CEP83: variants seen among roughly 807,000 people sequenced by gnomAD.
CEP83 encodes the protein centrosomal protein of 83 kDa.
Under a neutral mutation model 101.9 loss-of-function variants are expected in CEP83, and 70 were observed. That is an observed-to-expected ratio of 0.69 (90% CI 0.57 to 0.84). CEP83 has a LOEUF of 0.84. Among genes scored for constraint, CEP83 ranks in the 40% least tolerant of loss-of-function variants. The pLI is 0.00. For synonymous variants in CEP83, 264 were observed against 267.9 expected (o/e 0.99, Z 0.14); for missense variants, 715 against 787.2 (o/e 0.91, Z 1.10).
chr12:94,303,732 CTT>C (rs201354613), downstream of CEP83: 22,681 of 816,078 alleles, frequency 0.028, 1 homozygote, highest in Admixed American at 0.04. Flanking sequence ...GTGATGGTTG[CTT>C]TTTTTTTTTT....
intron 11 of CEP83, among the ~76,000 whole-genome samples, chr12:94,345,584 TAA>T (rs2059898012): frequency 6.6e-6 from 1 of 152,012 alleles, no homozygotes; most frequent in Non-Finnish European, 1.5e-5. Flanking sequence ...CCACACACAC[TAA>T]AAATATACTC....
At chr12:94,350,655 A>G (rs1252028872) in intron 11 of CEP83, among the ~76,000 whole-genome samples, 3 of 152,144 alleles carry the variant, frequency 2.0e-5, no homozygotes, top group Non-Finnish European at 2.9e-5. Flanking sequence ...ATGAAAATAA[A>G]TTTTTCTGCA....
At chr12:94,328,924 C>T (rs2059089407) in intron 14 of CEP83, among the ~76,000 whole-genome samples, 1 of 152,174 alleles carries the variant, frequency 6.6e-6, no homozygotes, top group Non-Finnish European at 1.5e-5. Flanking sequence ...TATTTGAATG[C>T]TAAGATCCCT....
chr12:94,298,713 T>C, the CEP83 span: 1 of 1,613,306 alleles, frequency 6.2e-7, no homozygotes, highest in Non-Finnish European at 8.5e-7. Context: ...TGCTATAAAA[T>C]ACTTTTTTGA....
the CEP83 span, among the ~76,000 whole-genome samples, chr12:94,271,096 T>C: frequency 6.6e-6 from 1 of 152,230 alleles, no homozygotes; most frequent in Non-Finnish European, 1.5e-5. Flanking sequence ...CTCTCTTTAA[T>C]TCAGGTTGGT....
At chr12:94,346,025 C>T (rs932031443) in intron 11 of CEP83, among the ~76,000 whole-genome samples, 1 of 151,950 alleles carries the variant, frequency 6.6e-6, no homozygotes, top group East Asian at 1.9e-4. Context: ...AGCTCTGGAC[C>T]CTTGAGATCT....
At chr12:94,315,104 G>A (rs1271016047) in intron 14 of CEP83, among the ~76,000 whole-genome samples, 2 of 152,096 alleles carry the variant, frequency 1.3e-5, no homozygotes, top group Admixed American at 1.3e-4. Flanking sequence ...ATTCTCTTCA[G>A]TATATACCTA....
At chr12:94,355,475 A>G (rs943964919) in intron 11 of CEP83, among the ~76,000 whole-genome samples, 3 of 152,216 alleles carry the variant, frequency 2.0e-5, no homozygotes, top group Admixed American at 2.0e-4. Flanking sequence ...TGGGCAACAG[A>G]GCGAGACTCC....
the CEP83 span, chr12:94,279,760 C>A: frequency 1.0e-6 from 1 of 955,070 alleles, no homozygotes; most frequent in Non-Finnish European, 1.7e-6. Context: ...TTCAGTGACA[C>A]TTACACAGCC....
chr12:94,360,445 T>C (rs2060694314), intron 11 of CEP83, among the ~76,000 whole-genome samples: 1 of 151,946 alleles, frequency 6.6e-6, no homozygotes, highest in Non-Finnish European at 1.5e-5. Flanking sequence ...AAACTCAACA[T>C]ACAAAAATCA....
At chr12:94,269,506 C>G in the CEP83 span, among the ~76,000 whole-genome samples, 1 of 152,204 alleles carries the variant, frequency 6.6e-6, no homozygotes, top group Non-Finnish European at 1.5e-5. Context: ...AGTATACTTC[C>G]TTTAACAGTG....
intron 11 of CEP83, among the ~76,000 whole-genome samples, chr12:94,358,474 G>GT (rs1296444102): frequency 6.6e-6 from 1 of 152,184 alleles, no homozygotes; most frequent in Non-Finnish European, 1.5e-5. Context: ...CTTTCAAATG[G>GT]TTAACAGATA....
intron 1 of CEP83, among the ~76,000 whole-genome samples, chr12:94,454,125 T>C (rs1028340840): frequency 7.9e-5 from 12 of 151,832 alleles, no homozygotes; most frequent in African/African-American, 2.7e-4. Flanking sequence ...AGAGTACCTA[T>C]TAAATTGTGC....
chr12:94,374,877 T>A (rs1372901843), intron 8 of CEP83, among the ~76,000 whole-genome samples: 2 of 152,218 alleles, frequency 1.3e-5, no homozygotes, highest in Admixed American at 6.5e-5. Flanking sequence ...TCCCATTGCA[T>A]AGACAAAGGC....
chr12:94,305,199 A>G (rs1215806699), downstream of CEP83: 1 of 1,607,624 alleles, frequency 6.2e-7, no homozygotes, highest in Non-Finnish European at 8.5e-7. Flanking sequence ...TAAACTAGAA[A>G]GAGAACGAGG....
chr12:94,313,527 TAAAAAA>T (rs58864740), intron 14 of CEP83, among the ~76,000 whole-genome samples: 3 of 95,718 alleles, frequency 3.1e-5, no homozygotes, highest in Admixed American at 1.3e-4. Flanking sequence ...AAGAACCCAT[TAAAAAA>T]AAAAAAAAAA....
At chr12:94,278,154 AC>A in the CEP83 span, 57 of 376,098 alleles carry the variant, frequency 1.5e-4, no homozygotes, top group Non-Finnish European at 2.8e-4. Context: ...ACCAAAAAAA[AC>A]AAAACAAAAT....
intron 14 of CEP83, among the ~76,000 whole-genome samples, chr12:94,319,693 CTT>C (rs1008957874): frequency 6.6e-6 from 1 of 152,046 alleles, no homozygotes; most frequent in Admixed American, 6.6e-5. Context: ...TATTTTTAGT[CTT>C]GATTTCAATT....
At position 94,340,325 on chromosome 12, in the gene CEP83, CCACA is replaced by C. The variant is rs770881678; in HGVS notation, c.1344-4665_1344-4662del. 3.3e-5 allele frequency among the ~76,000 whole-genome samples: 5 copies of C among 152,306 alleles called. No individual in the cohort carries two copies. In the South Asian group the frequency reaches 1.0e-3, roughly 32 times the overall value. ...TTTACTTCCTCCTCCTTCACCCACTCCACACAGAGACATGGGCATATAACCTTGG... is the reference window on the plus strand; with the variant it reads ...TTTACTTCCTCCTCCTTCACCCACTCCAGAGACATGGGCATATAACCTTGG... On this transcript the variant is annotated intron_variant, in intron 11 of 16. Transcript: ENST00000397809.
Sources: gnomAD v4.1 joint callset for allele counts (sites outside exome capture counted in the v4.1 genomes callset) on GRCh38, gnomAD v4.1.1 for gene constraint, MANE v1.5 for transcripts, NCBI Gene and HGNC (gene_info 2026-07-23, HGNC 2026-07-21) for gene names.